SMAD6: variants seen among roughly 807,000 people sequenced by gnomAD.
SMAD6 encodes SMAD family member 6.
SMAD6 carries 103 observed loss-of-function variants against 39.4 expected under a neutral mutation model. The observed-to-expected ratio is 2.62, with a 90% CI of 2.23 to 3.08. SMAD6 has a LOEUF of 3.08. SMAD6 is among the 30% of genes most tolerant of loss of function. The probability of loss-of-function intolerance (pLI) is 0.00; values close to 1 mark genes in which losing one functional copy is unlikely to be tolerated. For missense variants in SMAD6, 1,104 were observed against 742.9 expected (o/e 1.49, Z -5.65); for synonymous variants, 445 against 353.3 (o/e 1.26, Z -2.91).
intron 3 of SMAD6, among the ~76,000 whole-genome samples, chr15:66,759,292 A>G (rs1197384853): frequency 6.6e-6 from 1 of 152,222 alleles, no homozygotes; most frequent in African/African-American, 2.4e-5. Flanking sequence ...GTGGGGCTTT[A>G]TAATCATGCT....
At chr15:66,771,195 C>T (rs1894373771) in intron 3 of SMAD6, among the ~76,000 whole-genome samples, 1 of 152,110 alleles carries the variant, frequency 6.6e-6, no homozygotes, top group Non-Finnish European at 1.5e-5. Context: ...CTGGTGGGTC[C>T]CCTTGCCCGT....
At chr15:66,718,400 T>G (rs1893372426) in intron 3 of SMAD6, among the ~76,000 whole-genome samples, 1 of 152,118 alleles carries the variant, frequency 6.6e-6, no homozygotes, top group Admixed American at 6.5e-5. Flanking sequence ...AGAGCAGTCT[T>G]TGGTACTGGG....
In SMAD6 at chr15:66,781,082, CTA is replaced by C; in HGVS notation, c.1040_1041del (p.Tyr347CysfsTer217). The C allele has an allele frequency of 1.2e-6, 2 of 1,607,464 alleles. No individual in the cohort carries two copies. The highest frequency in any genetic ancestry group is 8.5e-7 in the Non-Finnish European group (1 of 1,179,282). On this transcript the variant is annotated frameshift_variant, in exon 4 of 4. Transcript: ENST00000288840. LOFTEE classifies it high-confidence loss of function. ...WEHRTRVGRL[Y>X]AVYDQAVSIF... ...AGCACCGGACGCGCGTGGGCCGCCT[CTA>C]TGCGGTGTACGACCAGGCCGTCAGC...
At chr15:66,743,587 TA>T (rs1197329859) in intron 3 of SMAD6, among the ~76,000 whole-genome samples, 6 of 144,384 alleles carry the variant, frequency 4.2e-5, no homozygotes, top group Admixed American at 2.7e-4. Flanking sequence ...TTTTTTTTTT[TA>T]AAAAGCAGTA....
At chr15:66,718,111 C>CGTGTGTGTGTGTGTGTGGGTGT (rs1893365933) in intron 3 of SMAD6, among the ~76,000 whole-genome samples, 1 of 137,158 alleles carries the variant, frequency 7.3e-6, no homozygotes, top group African/African-American at 2.9e-5. Context: ...ATGGAAAGTC[C>CGTGTGTGTGTGTGTGTGGGTGT]GTGTGTGTGT....
At chr15:66,713,880 TGTG>T (rs1158823230) in intron 2 of SMAD6, among the ~76,000 whole-genome samples, 4 of 152,170 alleles carry the variant, frequency 2.6e-5, no homozygotes, top group African/African-American at 9.7e-5. Flanking sequence ...GGAGAGATCA[TGTG>T]GTGGAAGCTT....
intron 3 of SMAD6, among the ~76,000 whole-genome samples, 187 bp from the exon 4 acceptor site, chr15:66,780,810 G>C (rs1595804425): frequency 6.6e-6 from 1 of 152,314 alleles, no homozygotes; most frequent in East Asian, 1.9e-4. Context: ...TTGTGTGTGT[G>C]AAAGAGATGT....
Position 66,781,847 on chromosome 15 carries a change from T to C in SMAD6, c.*312T>C, listed in dbSNP as rs1894584944. The C allele has an allele frequency of 2.5e-6, 1 of 398,728 alleles. No homozygotes were observed. The highest frequency in any genetic ancestry group is 4.4e-6 in the Non-Finnish European group (1 of 226,024). The allele number at this position is 398,728 out of a possible 1,614,324, so 24.7% of individuals were successfully genotyped here. ...TCTTTCTCTTCCTCCTTCCTCTTCC[T>C]TACTTTTTATATATATATATAAAGA... is the stretch of plus-strand genomic sequence containing the variant. On this transcript the variant is annotated 3_prime_UTR_variant, in exon 4 of 4. Coordinates refer to ENST00000288840, the MANE Select transcript of SMAD6 (RefSeq NM_005585.5).
intron 3 of SMAD6, among the ~76,000 whole-genome samples, chr15:66,759,921 C>T (rs2140657538): frequency 6.6e-6 from 1 of 152,368 alleles, no homozygotes; most frequent in South Asian, 2.1e-4. Context: ...CAGGTGCTTA[C>T]TCCTGACCAG....
intron 3 of SMAD6, among the ~76,000 whole-genome samples, chr15:66,761,649 T>G (rs1340704431): frequency 1.3e-5 from 2 of 152,208 alleles, no homozygotes; most frequent in Non-Finnish European, 2.9e-5. Flanking sequence ...TATAAGGCCC[T>G]ACCCTCCTGG....
intron 3 of SMAD6, among the ~76,000 whole-genome samples, chr15:66,723,991 A>G (rs1408395349): frequency 6.6e-6 from 1 of 152,216 alleles, no homozygotes; most frequent in Non-Finnish European, 1.5e-5. Context: ...GAGTTCACCA[A>G]GAGGACAACA....
chr15:66,714,639 G>A (rs1269158840), intron 2 of SMAD6, among the ~76,000 whole-genome samples: 2 of 152,146 alleles, frequency 1.3e-5, no homozygotes, highest in African/African-American at 2.4e-5. Flanking sequence ...TAGTGGAGGC[G>A]GGACCTGAAC....
At chr15:66,725,550 C>T (rs1893507448) in intron 3 of SMAD6, among the ~76,000 whole-genome samples, 1 of 152,194 alleles carries the variant, frequency 6.6e-6, no homozygotes, top group Admixed American at 6.5e-5. Flanking sequence ...ATCTGGAAGT[C>T]ATTTTGATCT....
chr15:66,742,886 TC>T (rs1893840344), intron 3 of SMAD6, among the ~76,000 whole-genome samples: 1 of 152,138 alleles, frequency 6.6e-6, no homozygotes, highest in East Asian at 1.9e-4. Context: ...ACTGGGTTCT[TC>T]CCTTAATCTT....
At chr15:66,762,658 A>G (rs959670103) in intron 3 of SMAD6, among the ~76,000 whole-genome samples, 1 of 151,802 alleles carries the variant, frequency 6.6e-6, no homozygotes, top group Non-Finnish European at 1.5e-5. Context: ...TTTAGAGTAA[A>G]CGCCATGAGA....
chr15:66,712,765 A>C (rs1893257437), intron 2 of SMAD6, among the ~76,000 whole-genome samples: 2 of 151,316 alleles, frequency 1.3e-5, no homozygotes, highest in South Asian at 4.2e-4. Context: ...CCAGCATTTT[A>C]GGAGGCTAAG....
intron 1 of SMAD6, 134 bp downstream of exon 1, chr15:66,704,209 C>T (rs1893058233): frequency 1.6e-6 from 1 of 634,692 alleles, no homozygotes; most frequent in African/African-American, 1.9e-5. Context: ...TGGGAGCCAC[C>T]AGGGGAGGCG....
At chr15:66,711,201 A>T in intron 1 of SMAD6, among the ~76,000 whole-genome samples, 1 of 152,248 alleles carries the variant, frequency 6.6e-6, no homozygotes, top group Non-Finnish European at 1.5e-5. Context: ...CCAAAACTCA[A>T]ATGTAACTGA....
chr15:66,752,964 G>C (rs984472806), intron 3 of SMAD6, among the ~76,000 whole-genome samples: 1 of 152,190 alleles, frequency 6.6e-6, no homozygotes, highest in Admixed American at 6.5e-5. Flanking sequence ...AGGGGGACAA[G>C]GGTAACATTT....
Sources: allele counts gnomAD v4.1 joint callset (sites outside exome capture counted in the v4.1 genomes callset), GRCh38; gene constraint gnomAD v4.1.1; transcripts MANE v1.5; gene names NCBI Gene and HGNC (gene_info 2026-07-23, HGNC 2026-07-21).